CACNA1E: variants seen among roughly 807,000 people sequenced by gnomAD.
The protein encoded by CACNA1E is calcium voltage-gated channel subunit alpha1 E, also known as voltage-dependent R-type calcium channel subunit alpha-1E.
A neutral mutation model predicts 259.2 loss-of-function variants in CACNA1E; 40 were observed. That is an observed-to-expected ratio of 0.15 (90% CI 0.12 to 0.20). The LOEUF is 0.20. Among genes scored for constraint, CACNA1E ranks in the 10% least tolerant of loss-of-function variants. The probability of loss-of-function intolerance (pLI) is 1.00; values close to 1 mark genes in which losing one functional copy is unlikely to be tolerated. For missense variants in CACNA1E, 1,874 were observed against 3,040.1 expected, an observed-to-expected ratio of 0.62 and a Z score of 9.02; for synonymous variants, 1,104 against 1,138.5, an observed-to-expected ratio of 0.97 and a Z score of 0.61.
chr1:181,408,805 G>T (rs1412980880), intron 1 of CACNA1E, among the ~76,000 whole-genome samples: 4 of 152,168 alleles, frequency 2.6e-5, no homozygotes, highest in Admixed American at 6.5e-5. Context: ...GCTTTCATTA[G>T]CTCGTTCTTG....
At chr1:181,775,012 CAGAT>C (rs1659851456) in intron 37 of CACNA1E, among the ~76,000 whole-genome samples, 1 of 152,228 alleles carries the variant, frequency 6.6e-6, no homozygotes, top group East Asian at 1.9e-4. Flanking sequence ...TCTCTATTTA[CAGAT>C]CTCTGCCTCC....
chr1:181,417,924 C>A (rs1185026826), intron 2 of CACNA1E, among the ~76,000 whole-genome samples: 5 of 152,140 alleles, frequency 3.3e-5, no homozygotes, highest in African/African-American at 1.2e-4. Context: ...GAGTCTGTTG[C>A]CCATGTAGAG....
At chr1:181,566,467 A>G (rs1277051093) in intron 3 of CACNA1E, among the ~76,000 whole-genome samples, 1 of 152,246 alleles carries the variant, frequency 6.6e-6, no homozygotes, top group Non-Finnish European at 1.5e-5. Flanking sequence ...GTCTGAGTGA[A>G]TAATCAGGGA....
At chr1:181,524,233 T>G (rs2102690804) in intron 3 of CACNA1E, among the ~76,000 whole-genome samples, 1 of 152,382 alleles carries the variant, frequency 6.6e-6, no homozygotes, top group Admixed American at 6.5e-5. Context: ...GGTTTTATTT[T>G]TTTATATTTT....
chr1:181,781,327 C>G (rs1660408257), intron 38 of CACNA1E, 100 bp from the exon 39 acceptor site: 1 of 688,188 alleles, frequency 1.5e-6, no homozygotes, highest in Non-Finnish European at 2.7e-6. Flanking sequence ...TTCTCCTCTC[C>G]TATCTGTCTG....
chr1:181,603,956 A>G (rs1271002315), intron 6 of CACNA1E, among the ~76,000 whole-genome samples: 2 of 152,070 alleles, frequency 1.3e-5, no homozygotes, highest in Non-Finnish European at 2.9e-5. Flanking sequence ...ACTAAGTGAA[A>G]ATGAGGCTTG....
At chr1:181,673,834 G>T (rs896481921) in intron 7 of CACNA1E, among the ~76,000 whole-genome samples, 27 of 151,940 alleles carry the variant, frequency 1.8e-4, no homozygotes, top group African/African-American at 6.3e-4. Context: ...GCTCTCGTTC[G>T]TTGCCTCTTT....
At chr1:181,795,447 T>A (rs1661704002) in intron 46 of CACNA1E, among the ~76,000 whole-genome samples, 1 of 150,850 alleles carries the variant, frequency 6.6e-6, no homozygotes, top group African/African-American at 2.4e-5. Flanking sequence ...TGTTTGAATT[T>A]TTTTTTTTTT....
intron 6 of CACNA1E, among the ~76,000 whole-genome samples, chr1:181,601,570 A>G (rs1173794626): frequency 6.6e-6 from 1 of 152,028 alleles, no homozygotes; most frequent in East Asian, 1.9e-4. Context: ...TTTGTCTTAC[A>G]CCCCACATTT....
intron 39 of CACNA1E, among the ~76,000 whole-genome samples, chr1:181,782,878 C>A (rs1010429687): frequency 6.6e-6 from 1 of 152,058 alleles, no homozygotes; most frequent in African/African-American, 2.4e-5. Context: ...AGAAGGGGAG[C>A]GGGGATTGGA....
At chr1:181,700,788 G>T (rs757416352) in intron 7 of CACNA1E, among the ~76,000 whole-genome samples, 1 of 152,202 alleles carries the variant, frequency 6.6e-6, no homozygotes, top group Non-Finnish European at 1.5e-5. Context: ...AAAGGACAGC[G>T]AGTGGAAAGG....
intron 2 of CACNA1E, among the ~76,000 whole-genome samples, chr1:181,421,980 C>T (rs1457697434): frequency 1.3e-5 from 2 of 152,232 alleles, no homozygotes; most frequent in African/African-American, 4.8e-5. Flanking sequence ...CATCTACTCT[C>T]TCCCTTGTTC....
chr1:181,464,551 T>C (rs1019592850), intron 2 of CACNA1E, among the ~76,000 whole-genome samples: 1 of 151,900 alleles, frequency 6.6e-6, no homozygotes, highest in Non-Finnish European at 1.5e-5. Context: ...TTTTGTACAC[T>C]GATTTCATGT....
intron 1 of CACNA1E, among the ~76,000 whole-genome samples, chr1:181,337,909 A>G (rs945097141): frequency 2.0e-5 from 3 of 152,178 alleles, no homozygotes; most frequent in Non-Finnish European, 1.5e-5. Context: ...TGGTAGTTCT[A>G]TTTTTAATTT....
intron 3 of CACNA1E, among the ~76,000 whole-genome samples, chr1:181,512,779 A>G (rs1666258987): frequency 6.6e-6 from 1 of 152,268 alleles, no homozygotes; most frequent in Non-Finnish European, 1.5e-5. Flanking sequence ...ATGTTTAAAA[A>G]TATCTGTTGC....
chr1:181,652,452 G>A (rs1430617868), intron 7 of CACNA1E, among the ~76,000 whole-genome samples: 1 of 152,172 alleles, frequency 6.6e-6, no homozygotes, highest in Non-Finnish European at 1.5e-5. Flanking sequence ...AGGGCACTAG[G>A]ACAAAGAGAA....
chr1:181,587,889 AAAAG>A lies in CACNA1E; in HGVS notation c.951+7133_951+7136del, dbSNP rs769445553. On this transcript the variant is annotated intron_variant, in intron 6 of 47. Coordinates refer to ENST00000367573, the MANE Select transcript of CACNA1E (RefSeq NM_001205293.3). ...AAGAGCGAGACTCCGTCTCAAGAAA[AAAAG>A]AAAGAAAGAAAGAAAGAAATGTACT... 9.8e-4 allele frequency among the ~76,000 whole-genome samples: 150 copies of A among 152,306 alleles called. 2 individuals carry two copies. In the East Asian group the frequency reaches 0.02, roughly 21 times the overall value.
chr1:181,745,604 A>G (rs1368335448), intron 25 of CACNA1E, among the ~76,000 whole-genome samples: 4 of 152,096 alleles, frequency 2.6e-5, no homozygotes, highest in Non-Finnish European at 4.4e-5. Flanking sequence ...CTTGAGTCGG[A>G]AGACTTCATA....
chr1:181,446,634 G>A (rs1302499080), intron 2 of CACNA1E, among the ~76,000 whole-genome samples: 1 of 152,194 alleles, frequency 6.6e-6, no homozygotes, highest in Non-Finnish European at 1.5e-5. Flanking sequence ...GGGACTGAAA[G>A]CGAAGAATTT....
Sources: gnomAD v4.1 joint callset for allele counts (sites outside exome capture counted in the v4.1 genomes callset) on GRCh38, gnomAD v4.1.1 for gene constraint, MANE v1.5 for transcripts, NCBI Gene and HGNC (gene_info 2026-07-23, HGNC 2026-07-21) for gene names.